The following PPFIA1 variants were observed in gnomAD, a reference collection of about 807,000 sequenced individuals.
The protein encoded by PPFIA1 is liprin-alpha-1.
In PPFIA1, 25 loss-of-function variants were observed where a neutral mutation model predicts 149.9. The ratio of observed to expected loss-of-function variants is 0.17; its 90% CI spans 0.12 to 0.23. PPFIA1 has a LOEUF of 0.23. Ranked by LOEUF, PPFIA1 falls within the 10% of genes least tolerant of loss-of-function variation. The pLI is 1.00. For synonymous variants in PPFIA1, 549 were observed against 552.8 expected, an observed-to-expected ratio of 0.99 and a Z score of 0.10; for missense variants, 1,362 against 1,506.5, an observed-to-expected ratio of 0.90 and a Z score of 1.59.
intron 16 of PPFIA1, among the ~76,000 whole-genome samples, chr11:70,349,752 T>C (rs1364069991): frequency 1.3e-5 from 2 of 152,212 alleles, no homozygotes; most frequent in African/African-American, 2.4e-5. Context: ...TTAAACTCTT[T>C]GACTGTTTTA....
At position 70,382,126 on chromosome 11, in the gene PPFIA1, G is replaced by T. The variant is rs771032680; in HGVS notation, c.3589G>T (p.Val1197Phe). 4 of 1,614,024 alleles carry T rather than the reference G, an allele frequency of 2.5e-6. No individual in the cohort carries two copies. Among genetic ancestry groups the T allele is most frequent in the African/African-American group, 2.7e-5 (2 of 75,044 alleles). ...AACACAGAGGTTGGATTCTGCTACA[G>T]TCAGGACTTACTCCTGCTAAAGTCT... The part of the protein sequence containing the change: ...SGTQRLDSAT[V>F]RTYSC Residue 1197 changes from valine to phenylalanine, a missense_variant, in exon 27 of 28, where the codon GTC becomes TTC. Transcript: ENST00000253925.
intron 14 of PPFIA1, among the ~76,000 whole-genome samples, chr11:70,339,612 G>A (rs919473403): frequency 3.4e-5 from 5 of 146,254 alleles, no homozygotes; most frequent in Non-Finnish European, 5.9e-5. Flanking sequence ...GAGCCACCGT[G>A]CCTGGCCTCT....
intron 2 of PPFIA1, among the ~76,000 whole-genome samples, chr11:70,310,962 G>A (rs1165398395): frequency 6.6e-6 from 1 of 152,192 alleles, no homozygotes; most frequent in Non-Finnish European, 1.5e-5. Flanking sequence ...CTTGGGAGCA[G>A]TTTGTGAGCA....
At chr11:70,331,758 T>A (rs2054677968) in intron 8 of PPFIA1, among the ~76,000 whole-genome samples, 1 of 151,744 alleles carries the variant, frequency 6.6e-6, no homozygotes. Context: ...CCAGCCTGGG[T>A]GACAAAGCGA....
At chr11:70,286,031 C>T (rs1486805952) in intron 2 of PPFIA1, among the ~76,000 whole-genome samples, 1 of 152,126 alleles carries the variant, frequency 6.6e-6, no homozygotes, top group Non-Finnish European at 1.5e-5. Flanking sequence ...TTTGTGTAGG[C>T]AGAACTAGGG....
chr11:70,277,003 CT>C (rs571511222), intron 2 of PPFIA1, among the ~76,000 whole-genome samples: 11,634 of 86,764 alleles, frequency 0.13, 599 homozygotes, highest in African/African-American at 0.16. Flanking sequence ...TTAATTTCTA[CT>C]TTTTTTTTTT....
At chr11:70,283,313 T>C (rs947638484) in intron 2 of PPFIA1, among the ~76,000 whole-genome samples, 1 of 152,216 alleles carries the variant, frequency 6.6e-6, no homozygotes, top group African/African-American at 2.4e-5. Context: ...GAAGACCTCT[T>C]GCTTGAAGAA....
At position 70,374,824 on chromosome 11, in the gene PPFIA1, A is replaced by C. The variant is rs920227913; in HGVS notation, c.3140-94A>C. On this transcript the variant is annotated intron_variant, in intron 23 of 27. Transcript: ENST00000253925. ...TTTCTCAGGAGCCGAAGGATTAGGAACCATGGTAGGAATCTTTCTCCTGCA... is the reference window on the plus strand; with the variant it reads ...TTTCTCAGGAGCCGAAGGATTAGGACCCATGGTAGGAATCTTTCTCCTGCA... 12 of 1,173,314 alleles carry C rather than the reference A, an allele frequency of 1.0e-5. No homozygotes were observed. The African/African-American group carries it at 1.3e-4, about 12-fold the overall frequency. 72.7% of individuals were successfully genotyped at this position (1,173,314 alleles called of 1,614,324 possible).
chr11:70,348,526 A>G (rs1015031648), intron 16 of PPFIA1, 106 bp downstream of exon 16: 2 of 899,866 alleles, frequency 2.2e-6, no homozygotes, highest in Admixed American at 5.0e-5. Context: ...TCGTTATTCT[A>G]AGAGGTTCAA....
At chr11:70,324,356 T>C (rs1272613431) in intron 2 of PPFIA1, 46 bp from the exon 3 acceptor site, 7 of 1,438,834 alleles carry the variant, frequency 4.9e-6, no homozygotes, top group Non-Finnish European at 5.8e-6. Context: ...AGGCTTTCTT[T>C]AGGGGGTCTT....
chr11:70,332,314 A>G (rs1433050055), intron 9 of PPFIA1, among the ~76,000 whole-genome samples: 1 of 152,066 alleles, frequency 6.6e-6, no homozygotes. Flanking sequence ...GCTGTATACT[A>G]TTTGTCCACG....
chr11:70,275,382 C>T (rs2050322750), intron 2 of PPFIA1, among the ~76,000 whole-genome samples: 2 of 152,198 alleles, frequency 1.3e-5, no homozygotes, highest in South Asian at 4.1e-4. Context: ...CTTGTGTTTG[C>T]CTTTTCACTC....
intron 7 of PPFIA1, among the ~76,000 whole-genome samples, chr11:70,328,869 G>C (rs1045073359): frequency 1.3e-5 from 2 of 152,118 alleles, no homozygotes; most frequent in Admixed American, 1.3e-4. Context: ...TTTAGACTTT[G>C]CTAACTTTAG....
Position 70,330,229 on chromosome 11 carries a change from C to T in PPFIA1, c.987C>T (p.Tyr329=), listed in dbSNP as rs777148349. Residue 329 remains tyrosine, a synonymous_variant, in exon 8 of 28, where the codon TAC becomes TAT. Coordinates refer to ENST00000253925, the MANE Select transcript of PPFIA1 (RefSeq NM_003626.5). ...EERITTLEKR[Y]LAAQREATSV... ...GAATCACTACTCTTGAAAAACGCTA[C>T]CTCGCTGCACAGCGTGAAGCCACAT... The T allele has an allele frequency of 4.4e-6, 7 of 1,602,048 alleles. No individual in the cohort carries two copies. Among genetic ancestry groups the T allele is most frequent in the Non-Finnish European group, 6.0e-6 (7 of 1,175,370 alleles).
chr11:70,327,758 G>C (rs2054403446), intron 7 of PPFIA1: 1 of 145,932 alleles, frequency 6.9e-6, no homozygotes, highest in Non-Finnish European at 1.5e-5. Context: ...GGGCGGCAGA[G>C]CGAGACTCCG....
chr11:70,324,318 T>C, intron 2 of PPFIA1, 84 bp from the exon 3 acceptor site: 2 of 1,001,258 alleles, frequency 2.0e-6, no homozygotes, highest in Non-Finnish European at 3.0e-6. Flanking sequence ...AGGTTGCCTT[T>C]GTGTGAAGAC....
intron 2 of PPFIA1, among the ~76,000 whole-genome samples, chr11:70,282,816 T>C (rs1271208285): frequency 1.4e-5 from 2 of 146,846 alleles, no homozygotes; most frequent in Non-Finnish European, 3.0e-5. Context: ...ATTACAGGCG[T>C]GAGCCACCGT....
chr11:70,324,262 C>T, intron 2 of PPFIA1, 140 bp from the exon 3 acceptor site: 1 of 585,364 alleles, frequency 1.7e-6, no homozygotes, highest in Non-Finnish European at 3.0e-6. Flanking sequence ...TTGATGCCCT[C>T]TTTCTCTGGA....
rs1213192217 is a variant in PPFIA1, at chr11:70,355,697, G to A, written c.2374G>A (p.Asp792Asn). ...CCCCAGCAGTAGCAACAGTAGCCAGGACTCGCTCCACAAAGCCCCAAAGAA... is the reference window on the plus strand; with the variant it reads ...CCCCAGCAGTAGCAACAGTAGCCAGAACTCGCTCCACAAAGCCCCAAAGAA... Reference protein sequence around the residue: ...SNPSSSNSSQDSLHKAPKKKG... With the variant: ...SNPSSSNSSQNSLHKAPKKKG... Residue 792 changes from aspartate (D) to asparagine (N), a missense_variant, in exon 18 of 28, where the codon GAC (aspartate) becomes AAC (asparagine). This residue lies in a region of PPFIA1 where 733 missense variants were observed against 744.1 expected (regional missense o/e 0.99). Coordinates refer to ENST00000253925, the MANE Select transcript of PPFIA1 (RefSeq NM_003626.5). 1.9e-6 allele frequency: 3 copies of A among 1,614,092 alleles called. No individual in the cohort carries two copies. Among genetic ancestry groups the A allele is most frequent in the African/African-American group, 1.3e-5 (1 of 75,032 alleles).
Sources: allele counts gnomAD v4.1 joint callset (sites outside exome capture counted in the v4.1 genomes callset), GRCh38; gene constraint gnomAD v4.1.1; regional missense constraint gnomAD v4.1.1; transcripts MANE v1.5; gene names NCBI Gene and HGNC (gene_info 2026-07-23, HGNC 2026-07-21).